The following SHC4 variants were observed in gnomAD, a reference collection of about 807,000 sequenced individuals.
The protein encoded by SHC4 is SHC-transforming protein 4.
SHC4 carries 41 observed loss-of-function variants against 69.4 expected under a neutral mutation model. The observed-to-expected ratio is 0.59, with a 90% confidence interval of 0.46 to 0.77. SHC4 has a LOEUF of 0.77. Ranked by LOEUF, SHC4 falls within the 30% of genes least tolerant of loss-of-function variation. The pLI, the probability that SHC4 is intolerant of heterozygous loss-of-function variation, is 0.00. For synonymous variants in SHC4, 318 were observed against 299.3 expected (o/e 1.06, Z -0.64); for missense variants, 777 against 783.8 (o/e 0.99, Z 0.10).
intron 2 of SHC4, among the ~76,000 whole-genome samples, chr15:48,893,268 G>A (rs1372405539): frequency 6.6e-6 from 1 of 152,190 alleles, no homozygotes; most frequent in African/African-American, 2.4e-5. Flanking sequence ...ATCATGATAT[G>A]AGGGGAATTA....
At chr15:48,860,488 C>T (rs921691966) in intron 6 of SHC4, among the ~76,000 whole-genome samples, 4 of 151,436 alleles carry the variant, frequency 2.6e-5, no homozygotes, top group South Asian at 2.1e-4. Context: ...GTCTGGGCGA[C>T]GAGTGAAACT....
At chr15:48,944,945 C>T (rs976940644) in intron 1 of SHC4, among the ~76,000 whole-genome samples, 1 of 152,196 alleles carries the variant, frequency 6.6e-6, no homozygotes, top group African/African-American at 2.4e-5. Flanking sequence ...CTAAGCATGG[C>T]TAAGAATACA....
intron 1 of SHC4, among the ~76,000 whole-genome samples, chr15:48,930,107 G>GA (rs987329335): frequency 2.0e-5 from 3 of 151,432 alleles, no homozygotes; most frequent in African/African-American, 4.8e-5. Context: ...GCTACCTAAA[G>GA]AAAAAAAAGA....
At chr15:48,860,947 C>T (rs986598739) in intron 6 of SHC4, among the ~76,000 whole-genome samples, 1 of 152,204 alleles carries the variant, frequency 6.6e-6, no homozygotes, top group Non-Finnish European at 1.5e-5. Context: ...CATGTGGGTA[C>T]ACAGAAATGA....
rs574728334 is a variant in SHC4 at position 48,889,836 on chromosome 15, T to A, written c.720+912A>T. Among the ~76,000 whole-genome samples, 5 of 152,324 alleles carry A rather than the reference T, an allele frequency of 3.3e-5. No homozygotes were observed. The East Asian group carries it at 9.6e-4, about 29-fold the overall frequency. On this transcript the variant is annotated intron_variant, in intron 3 of 11. Transcript: ENST00000332408. ...TCCAACCTGGGCAACAGAGCGAGACTCCGTCTCAAAAACAAAAAACAAAAC... is the reference window on the plus strand; with the variant it reads ...TCCAACCTGGGCAACAGAGCGAGACACCGTCTCAAAAACAAAAAACAAAAC...
At chr15:48,881,048 G>T (rs1401341048) in intron 4 of SHC4, among the ~76,000 whole-genome samples, 1 of 149,404 alleles carries the variant, frequency 6.7e-6, no homozygotes, top group Non-Finnish European at 1.5e-5. Context: ...GCTAGAGAAA[G>T]GAGTTCTGGG....
intron 6 of SHC4, among the ~76,000 whole-genome samples, chr15:48,866,427 A>G (rs555427532): frequency 5.3e-4 from 81 of 152,148 alleles, no homozygotes; most frequent in Non-Finnish European, 1.0e-3. Flanking sequence ...CTGAGGATCT[A>G]CTACGTGCCA....
At chr15:48,917,243 T>TTGTGTGTGTGTG (rs3985853) in intron 2 of SHC4, among the ~76,000 whole-genome samples, 2 of 137,098 alleles carry the variant, frequency 1.5e-5, no homozygotes, top group Non-Finnish European at 3.2e-5. Flanking sequence ...ACCTGATTTC[T>TTGTGTGTGTGTG]TGTGTGTGTG....
chr15:48,933,275 G>T (rs1419548982), intron 1 of SHC4, among the ~76,000 whole-genome samples: 1 of 152,110 alleles, frequency 6.6e-6, no homozygotes, highest in East Asian at 1.9e-4. Flanking sequence ...TTTAATTCCA[G>T]CAAGTCACAA....
chr15:48,930,378 C>T (rs1326440716), intron 1 of SHC4, among the ~76,000 whole-genome samples: 1 of 152,226 alleles, frequency 6.6e-6, no homozygotes, highest in Admixed American at 6.5e-5. Flanking sequence ...TCTTTTTATA[C>T]ATGGCTTATT....
chr15:48,914,596 T>G (rs1030019096), intron 2 of SHC4, among the ~76,000 whole-genome samples: 7 of 152,230 alleles, frequency 4.6e-5, no homozygotes, highest in Non-Finnish European at 1.0e-4. Flanking sequence ...CTTTGCTGTA[T>G]GACATGCTAG....
chr15:48,899,977 G>C (rs183887723), intron 2 of SHC4, among the ~76,000 whole-genome samples: 63 of 152,266 alleles, frequency 4.1e-4, no homozygotes, highest in African/African-American at 1.5e-3. Context: ...TCGTTGCATT[G>C]AGTAACAGGT....
chr15:48,845,175 T>C (rs1899063139), intron 9 of SHC4, among the ~76,000 whole-genome samples: 1 of 152,176 alleles, frequency 6.6e-6, no homozygotes, highest in South Asian at 2.1e-4. Flanking sequence ...ACCTTTTCAG[T>C]GTGGTCCAAG....
intron 9 of SHC4, among the ~76,000 whole-genome samples, chr15:48,845,890 CAT>C (rs752978322): frequency 1.6e-4 from 25 of 152,200 alleles, no homozygotes; most frequent in South Asian, 2.1e-4. Flanking sequence ...TATATTAGCA[CAT>C]GTGTATACAA....
chr15:48,855,448 G>A (rs1899293405), intron 8 of SHC4, among the ~76,000 whole-genome samples: 4 of 152,082 alleles, frequency 2.6e-5, no homozygotes. Context: ...AAGTTTGTGG[G>A]TGAAAGGAAG....
chr15:48,890,886 A>C, intron 2 of SHC4, 75 bp from the exon 3 acceptor site: 1 of 1,515,810 alleles, frequency 6.6e-7, no homozygotes, highest in East Asian at 2.3e-5. Flanking sequence ...AAATGTTAGA[A>C]ATTATCACGA....
Position 48,861,891 on chromosome 15 carries a change from C to A in SHC4, c.947-4076G>T, listed in dbSNP as rs114159603. Among the ~76,000 whole-genome samples the A allele has an allele frequency of 3.4e-3, 517 of 152,324 alleles. 2 individuals carry two copies. The highest frequency in any genetic ancestry group is 0.012 in the African/African-American group (498 of 41,574). On this transcript the variant is annotated intron_variant, in intron 6 of 11. Coordinates refer to ENST00000332408, the MANE Select transcript of SHC4 (RefSeq NM_203349.4). The stretch of plus-strand genomic sequence containing the variant: ...ACAACTATTACTAAAGGATAACAGA[C>A]ACTTCTTTACTACTTTTATATTTGT...
chr15:48,878,455 C>A (rs779336657), intron 4 of SHC4: 8 of 1,613,248 alleles, frequency 5.0e-6, no homozygotes, highest in Non-Finnish European at 6.8e-6. Context: ...GCGCAGACTT[C>A]GAGAGCGAGG....
intron 1 of SHC4, among the ~76,000 whole-genome samples, chr15:48,929,665 A>G (rs750380828): frequency 1.3e-5 from 2 of 152,202 alleles, no homozygotes; most frequent in Non-Finnish European, 2.9e-5. Flanking sequence ...GGGGACCACA[A>G]TGGTAACAGC....
Sources: allele counts gnomAD v4.1 joint callset (sites outside exome capture counted in the v4.1 genomes callset), GRCh38; gene constraint gnomAD v4.1.1; transcripts MANE v1.5; gene names NCBI Gene and HGNC (gene_info 2026-07-23, HGNC 2026-07-21).